GRAMD4: variants seen among roughly 807,000 people sequenced by gnomAD.
GRAMD4 encodes GRAM domain-containing protein 4.
GRAMD4 carries 25 observed loss-of-function variants against 83.9 expected under a neutral mutation model. The observed-to-expected ratio is 0.30, with a 90% CI of 0.22 to 0.42. The LOEUF is 0.42. GRAMD4 is among the 10% of genes least tolerant of loss of function. The pLI is 1.00. For synonymous variants in GRAMD4, 336 were observed against 320.9 expected, an observed-to-expected ratio of 1.05 and a Z score of -0.50; for missense variants, 593 against 788.7, an observed-to-expected ratio of 0.75 and a Z score of 2.97.
intron 13 of GRAMD4, chr22:46,671,247 A>G (rs2082499621): frequency 3.8e-6 from 1 of 264,416 alleles, no homozygotes; most frequent in Non-Finnish European, 8.9e-6. Context: ...GCATCTTTCA[A>G]GAATCAACAA....
upstream of GRAMD4, among the ~76,000 whole-genome samples, chr22:46,616,439 C>G (rs796349753): frequency 2.4e-5 from 3 of 122,476 alleles, no homozygotes; most frequent in Admixed American, 1.7e-4. Context: ...AGTAGGTTCC[C>G]CTGTGCGTGT....
intron 2 of GRAMD4, among the ~76,000 whole-genome samples, chr22:46,634,153 G>T (rs753896196): frequency 3.9e-5 from 6 of 152,228 alleles, no homozygotes; most frequent in Non-Finnish European, 8.8e-5. Flanking sequence ...CCTGCCGAGG[G>T]CTGGGGGAGT....
At chr22:46,618,553 C>G (rs2081533205), upstream of GRAMD4, among the ~76,000 whole-genome samples, 1 of 152,112 alleles carries the variant, frequency 6.6e-6, no homozygotes, top group African/African-American at 2.4e-5. This position sits in a 1 kb window ranked among gnomAD's most constrained non-coding sequence, Gnocchi z 5.8. Flanking sequence ...GTCGGGGGAG[C>G]AGCCGTGTTG....
intron 2 of GRAMD4, among the ~76,000 whole-genome samples, chr22:46,633,976 T>C (rs2081818837): frequency 6.6e-6 from 1 of 152,212 alleles, no homozygotes; most frequent in East Asian, 1.9e-4. Context: ...ACGTTACTCC[T>C]GGGCCACCCT....
At chr22:46,618,583 C>G (rs1485895764), upstream of GRAMD4, among the ~76,000 whole-genome samples, 2 of 152,060 alleles carry the variant, frequency 1.3e-5, no homozygotes, top group Admixed American at 6.5e-5. This position sits in a 1 kb window ranked among gnomAD's most constrained non-coding sequence, Gnocchi z 5.8. Context: ...CGTGGAAGCC[C>G]CTGGAGAACT....
At chr22:46,637,422 T>C (rs2147221385) in intron 2 of GRAMD4, among the ~76,000 whole-genome samples, 1 of 152,124 alleles carries the variant, frequency 6.6e-6, no homozygotes, top group South Asian at 2.1e-4. Flanking sequence ...CTGGCTAATT[T>C]TTCGTATTTT....
intron 2 of GRAMD4, among the ~76,000 whole-genome samples, chr22:46,630,286 A>G (rs535494890): frequency 2.8e-4 from 42 of 152,210 alleles, no homozygotes; most frequent in African/African-American, 9.6e-4. Flanking sequence ...TCAGCCTCCC[A>G]GAGTGCTGGG....
intron 2 of GRAMD4, among the ~76,000 whole-genome samples, chr22:46,636,602 T>C (rs1010651453): frequency 1.3e-5 from 2 of 152,214 alleles, no homozygotes; most frequent in Non-Finnish European, 2.9e-5. Context: ...GCACACCTGT[T>C]ACCTGGCTCT....
At chr22:46,651,334 C>T (rs1165188691) in intron 3 of GRAMD4, among the ~76,000 whole-genome samples, 1 of 152,224 alleles carries the variant, frequency 6.6e-6, no homozygotes, top group Non-Finnish European at 1.5e-5. Context: ...CGGCCCTCGA[C>T]CCTGGAAGAG....
At chr22:46,650,123 G>T (rs1355625234) in intron 3 of GRAMD4, among the ~76,000 whole-genome samples, 1 of 152,262 alleles carries the variant, frequency 6.6e-6, no homozygotes, top group Non-Finnish European at 1.5e-5. Flanking sequence ...CTGAGTTCGC[G>T]CCCCTGGCCT....
chr22:46,626,122 G>C (rs1377292471), intron 1 of GRAMD4, among the ~76,000 whole-genome samples: 1 of 152,224 alleles, frequency 6.6e-6, no homozygotes, highest in Non-Finnish European at 1.5e-5. Context: ...GGAGCAGTGT[G>C]GGCGGAGTCC....
At chr22:46,682,630 A>G (rs1481820406), downstream of GRAMD4, among the ~76,000 whole-genome samples, 2 of 152,246 alleles carry the variant, frequency 1.3e-5, no homozygotes, top group African/African-American at 2.4e-5. Flanking sequence ...AGCAGCTTAC[A>G]TGGACTTCTT....
In GRAMD4 at chr22:46,679,002, G is replaced by T; in HGVS notation, c.*1751G>T. 2.0e-6 allele frequency: 2 copies of T among 985,776 alleles called. No homozygotes were observed. The highest frequency in any genetic ancestry group is 2.4e-6 in the Non-Finnish European group (2 of 830,026). 61.1% of individuals were successfully genotyped at this position (985,776 alleles called of 1,614,324 possible). ...GAGCCGTGGGTCTGGCTCCTGTAGG[G>T]GACTGGCTCTCTTGGTGCACCAGGG... is the stretch of plus-strand genomic sequence containing the variant. On this transcript the variant is annotated 3_prime_UTR_variant, in exon 19 of 19. Coordinates refer to ENST00000406902, the MANE Select transcript of GRAMD4 (RefSeq NM_015124.5).
At chr22:46,576,975 C>T (rs2081047539), upstream of GRAMD4, among the ~76,000 whole-genome samples, 1 of 144,876 alleles carries the variant, frequency 6.9e-6, no homozygotes, top group African/African-American at 2.5e-5. Flanking sequence ...CCCCCGCGGA[C>T]CCCCGAGCCG....
intron 1 of GRAMD4, among the ~76,000 whole-genome samples, chr22:46,612,777 C>T (rs2081430505): frequency 6.6e-6 from 1 of 152,270 alleles, no homozygotes; most frequent in Non-Finnish European, 1.5e-5. Flanking sequence ...GGTTTGTCTA[C>T]AGCTGGGGCA....
chr22:46,643,184 C>CCTGG (rs2082011645), intron 3 of GRAMD4, among the ~76,000 whole-genome samples: 3 of 107,012 alleles, frequency 2.8e-5, no homozygotes, highest in Admixed American at 9.2e-5. Context: ...TCCATCCATC[C>CCTGG]ATCCATCCAT....
chr22:46,638,738 G>A (rs2081928689), intron 3 of GRAMD4, among the ~76,000 whole-genome samples: 1 of 152,214 alleles, frequency 6.6e-6, no homozygotes, highest in South Asian at 2.1e-4. Context: ...ACTCTATGGT[G>A]GAATTCTTGT....
At chr22:46,585,193 CT>C (rs61489516) in intron 1 of GRAMD4, among the ~76,000 whole-genome samples, 24,987 of 141,444 alleles carry the variant, frequency 0.18, 3,217 homozygotes, top group East Asian at 0.63. Flanking sequence ...TTCTTTCTTT[CT>C]TTTTTTTTTT....
chr22:46,601,043 C>G (rs1180015989), intron 1 of GRAMD4, among the ~76,000 whole-genome samples: 10 of 152,036 alleles, frequency 6.6e-5, no homozygotes. Flanking sequence ...ACTCGGGAGA[C>G]TGGGGCAGGA....
Sources: gnomAD v4.1 joint callset for allele counts (sites outside exome capture counted in the v4.1 genomes callset) on GRCh38, gnomAD v4.1.1 for gene constraint, Gnocchi (gnomAD v3.1) non-coding constraint, MANE v1.5 for transcripts, NCBI Gene and HGNC (gene_info 2026-07-23, HGNC 2026-07-21) for gene names.